FAT1: variants seen among roughly 807,000 people sequenced by gnomAD.
FAT1 encodes protocadherin Fat 1.
FAT1 carries 171 observed loss-of-function variants against 329.8 expected under a neutral mutation model. The observed-to-expected ratio is 0.52, with a 90% CI of 0.46 to 0.59. The LOEUF (loss-of-function observed/expected upper bound fraction) is 0.59. Among genes scored for constraint, FAT1 ranks in the 20% least tolerant of loss-of-function variants. The pLI, the probability that FAT1 is intolerant of heterozygous loss-of-function variation, is 0.00. For synonymous variants in FAT1, 2,233 were observed against 2,228.6 expected (o/e 1.00, Z -0.06); for missense variants, 5,672 against 5,774.4 (o/e 0.98, Z 0.57).
intron 3 of FAT1, among the ~76,000 whole-genome samples, chr4:186,651,093 C>T (rs1055625637): frequency 2.8e-5 from 3 of 108,184 alleles, no homozygotes; most frequent in Non-Finnish European, 3.9e-5. Flanking sequence ...TTATTTGATG[C>T]TTCATTATTA....
chr4:186,592,632 C>T (rs570755505), intron 26 of FAT1: 9 of 450,586 alleles, frequency 2.0e-5, no homozygotes, highest in Admixed American at 1.2e-4. Flanking sequence ...GCAATGCGGC[C>T]GAGCTCTACG....
Position 186,708,674 on chromosome 4 carries a change from G to GGTGT in FAT1, c.1150_1153dup (p.Pro385HisfsTer20). ...AGGAATGGCCTTTACCATGACCACA[G>GGTGT]GTGTGTTGGGAGGAGCAAATTCACT... On this transcript the variant is annotated frameshift_variant, in exon 2 of 27. Coordinates refer to ENST00000441802, the MANE Select transcript of FAT1 (RefSeq NM_005245.4). LOFTEE classifies it high-confidence loss of function. 1 of 1,613,890 alleles carries GGTGT rather than the reference G, an allele frequency of 6.2e-7. No homozygotes were observed.
chr4:186,672,357 T>C (rs1293795542), intron 2 of FAT1, among the ~76,000 whole-genome samples: 1 of 152,206 alleles, frequency 6.6e-6, no homozygotes, highest in Admixed American at 6.5e-5. Context: ...TATACTAGTG[T>C]ACCGTACAGG....
intron 3 of FAT1, among the ~76,000 whole-genome samples, chr4:186,657,139 G>T (rs1375715732): frequency 6.6e-6 from 1 of 152,158 alleles, no homozygotes; most frequent in East Asian, 1.9e-4. Context: ...CCTATGTGAT[G>T]TCCAAGAGAA....
rs773226886 is a variant in FAT1, at chr4:186,636,895, C to T, written c.3662G>A (p.Gly1221Asp). Residue 1221 changes from glycine to aspartate, a missense_variant, in exon 5 of 27, where the codon GGT becomes GAT. This residue lies in a region of FAT1 where 3,966 missense variants were observed against 3,915.2 expected (regional missense o/e 1.01). Transcript: ENST00000441802. ...TGCAATGGTTGATTTGGGGGGACTA[C>T]CATTGTCTGTCACAGTAACCTGTTT... Reference protein sequence around the residue: ...HILEVTVTDNGSPPKSTIARV... With the variant: ...HILEVTVTDNDSPPKSTIARV... 6.2e-7 allele frequency: 1 copy of T among 1,609,512 alleles called. No homozygotes were observed. The highest frequency in any genetic ancestry group is 1.7e-5 in the Admixed American group (1 of 59,038).
chr4:186,620,054 C>T lies in FAT1; in HGVS notation c.6532G>A (p.Ala2178Thr), dbSNP rs1190037826. 2.5e-6 allele frequency: 4 copies of T among 1,614,024 alleles called. No homozygotes were observed. The highest frequency in any genetic ancestry group is 3.4e-6 in the Non-Finnish European group (4 of 1,179,896). The part of the protein sequence containing the change: ...VIVPITVMNK[A>T]MPVFEKPFYS... ...AAAGGTTTTTCAAACACAGGCATGG[C>T]TTTATTCATGACAGTGATCGGAACG... Residue 2178 changes from alanine to threonine, a missense_variant, in exon 10 of 27, where the codon GCC becomes ACC. Ala to Thr is a moderately conservative substitution (Grantham distance 58, BLOSUM62 0). Around this residue, in one of 2 missense-constraint regions of FAT1, gnomAD observed 3,966 missense variants for 3,915.2 expected, o/e 1.01. Transcript: ENST00000441802.
chr4:186,692,303 G>GATTA (rs2126661457), intron 2 of FAT1, among the ~76,000 whole-genome samples: 1 of 102,148 alleles, frequency 9.8e-6, no homozygotes, highest in African/African-American at 3.5e-5. Flanking sequence ...ATACATCTTA[G>GATTA]GTTATTTATT....
At position 186,587,868 on chromosome 4, in the gene FAT1, A is replaced by G. The variant is rs1738030761; in HGVS notation, c.*724T>C. ...TTTCATTAAAAACCTTTACAAGACC[A>G]TTGCATCACAAATATACAGACACTA... On this transcript the variant is annotated 3_prime_UTR_variant, in exon 27 of 27. Coordinates refer to ENST00000441802, the MANE Select transcript of FAT1 (RefSeq NM_005245.4). The G allele has an allele frequency of 2.8e-5, 6 of 213,548 alleles. No homozygotes were observed. The Admixed American group carries it at 3.5e-4, about 12-fold the overall frequency. 13.2% of individuals were successfully genotyped at this position (213,548 alleles called of 1,614,324 possible). A position where few individuals can be genotyped will look rare whatever the true frequency, so the allele number is the denominator to read the frequency against.
At position 186,597,011 on chromosome 4, in the gene FAT1, T is replaced by A. The variant is rs2126393449; in HGVS notation, c.12529A>T (p.Ile4177Phe). 1 of 1,614,008 alleles carries A rather than the reference T, an allele frequency of 6.2e-7. No individual in the cohort carries two copies. Among genetic ancestry groups the A allele is most frequent in the Non-Finnish European group, 8.5e-7 (1 of 1,179,894 alleles). Residue 4177 changes from isoleucine to phenylalanine, a missense_variant, in exon 25 of 27, where the codon ATT becomes TTT. Physicochemically the swap from Ile to Phe is conservative, Grantham distance 21 (BLOSUM62 0). Around this residue, in one of 2 missense-constraint regions of FAT1, gnomAD observed 1,706 missense variants for 1,859.1 expected, o/e 0.92. Coordinates refer to ENST00000441802, the MANE Select transcript of FAT1 (RefSeq NM_005245.4). Reference sequence around the variant, plus strand: ...ATTCCAATTCCTTCCGCCAACCCAATGTTCCACGGCGTGGACACATACTGG... The same window carrying A: ...ATTCCAATTCCTTCCGCCAACCCAAAGTTCCACGGCGTGGACACATACTGG... ...PNQYVSTPWN[I>F]GLAEGIGIVV...
chr4:186,707,100 T>C lies in FAT1; in HGVS notation c.2728A>G (p.Thr910Ala), dbSNP rs1231329230. ...QAREEPQLFS[T>A]VVVKVSLEDV... ...TCTAGTGATACTTTCACAACGACAGTGGAGAACAGCTGAGGCTCTTCTCTG... is the reference window on the plus strand; with the variant it reads ...TCTAGTGATACTTTCACAACGACAGCGGAGAACAGCTGAGGCTCTTCTCTG... The change falls in exon 2 of 27, where the codon ACT becomes GCT. Residue 910 changes from threonine (T) to alanine (A), a missense_variant. Thr to Ala is a moderately conservative substitution (Grantham distance 58, BLOSUM62 0). Transcript: ENST00000441802. The C allele has an allele frequency of 6.2e-7, 1 of 1,614,018 alleles. No individual in the cohort carries two copies. The highest frequency in any genetic ancestry group is 1.7e-5 in the Admixed American group (1 of 60,032).
intron 3 of FAT1, among the ~76,000 whole-genome samples, chr4:186,644,258 C>T (rs762128639): frequency 6.6e-6 from 1 of 152,134 alleles, no homozygotes; most frequent in Non-Finnish European, 1.5e-5. Flanking sequence ...AATGACTCAT[C>T]ATTAGTCATT....
intron 11 of FAT1, among the ~76,000 whole-genome samples, chr4:186,616,219 G>A (rs1032687132): frequency 6.6e-5 from 10 of 152,060 alleles, no homozygotes; most frequent in African/African-American, 2.2e-4. Flanking sequence ...CTACCTTACC[G>A]ATATAAAAGG....
chr4:186,683,549 G>C (rs1030236867), intron 2 of FAT1, among the ~76,000 whole-genome samples: 1 of 152,064 alleles, frequency 6.6e-6, no homozygotes, highest in East Asian at 1.9e-4. Context: ...GAAATTTTCC[G>C]AAAGTTTTGC....
rs1462810564 is a variant in FAT1, at chr4:186,636,172, T to C, written c.4036A>G (p.Ile1346Val). 1 of 1,613,976 alleles carries C rather than the reference T, an allele frequency of 6.2e-7. No individual in the cohort carries two copies. The highest frequency in any genetic ancestry group is 8.5e-7 in the Non-Finnish European group (1 of 1,179,888). ...SSTTRLHIEW[I>V]SKPKPSLEPI... Reference sequence around the variant, plus strand: ...TCCAGGGACGGTTTGGGCTTGGAGATCCATTCAATATGGAGTCTGGTGGTT... The same window carrying C: ...TCCAGGGACGGTTTGGGCTTGGAGACCCATTCAATATGGAGTCTGGTGGTT... Residue 1346 changes from isoleucine to valine, a missense_variant, in exon 6 of 27, where the codon ATC (isoleucine) becomes GTC (valine). Physicochemically the swap from Ile to Val is conservative, Grantham distance 29. This residue lies in a region of FAT1 where 3,966 missense variants were observed against 3,915.2 expected (regional missense o/e 1.01). Coordinates refer to ENST00000441802, the MANE Select transcript of FAT1 (RefSeq NM_005245.4).
rs1224740278 is a variant in FAT1 at position 186,708,449 on chromosome 4, G to T, written c.1379C>A (p.Pro460His). Residue 460 changes from proline to histidine, a missense_variant, in exon 2 of 27, where the codon CCC (proline) becomes CAC (histidine). Coordinates refer to ENST00000441802, the MANE Select transcript of FAT1 (RefSeq NM_005245.4). Reference protein sequence around the residue: ...LVKVLGANSNPPEFTQTAYKA... With the variant: ...LVKVLGANSNHPEFTQTAYKA... ...GTACGCTGTCTGGGTAAATTCAGGG[G>T]GATTGCTATTTGCACCTAAGACTTT... The T allele has an allele frequency of 2.5e-6, 4 of 1,613,764 alleles. No homozygotes were observed. The highest frequency in any genetic ancestry group is 1.3e-5 in the African/African-American group (1 of 74,892).
chr4:186,724,056 G>C (rs897189339), upstream of FAT1, among the ~76,000 whole-genome samples: 4 of 151,754 alleles, frequency 2.6e-5, no homozygotes, highest in African/African-American at 7.3e-5. This position sits in a 1 kb window ranked among gnomAD's most constrained non-coding sequence, Gnocchi z 5.3. Context: ...GGCGCCCAGC[G>C]GGGTCTAGCG....
Position 186,603,183 on chromosome 4 carries a change from G to C in FAT1, c.11343C>G (p.Leu3781=), listed in dbSNP as rs955816712. 2.1e-5 allele frequency: 34 copies of C among 1,613,606 alleles called. No homozygotes were observed. Among genetic ancestry groups the C allele is most frequent in the Non-Finnish European group, 2.8e-5 (33 of 1,179,770 alleles). The change falls in exon 19 of 27, where the codon CTC becomes CTG. Residue 3781 remains leucine (L), a synonymous_variant. Transcript: ENST00000441802. The stretch of plus-strand genomic sequence containing the variant: ...TACACTCATGTGCAGTACCTTTGCA[G>C]AGACACACCGCTGCCCTGTGGTGGC... ...TPRHHRAAVC[L]CKEGRCPPVH...
chr4:186,659,321 CTG>C (rs1467008850), intron 3 of FAT1, among the ~76,000 whole-genome samples: 1 of 152,198 alleles, frequency 6.6e-6, no homozygotes, highest in Non-Finnish European at 1.5e-5. Flanking sequence ...CCTCCCATGA[CTG>C]TACTTGATGC....
In FAT1 at chr4:186,709,677, T is replaced by C. The variant is rs990231103; in HGVS notation, c.151A>G (p.Thr51Ala). 3 of 1,613,968 alleles carry C rather than the reference T, an allele frequency of 1.9e-6. No individual in the cohort carries two copies. Among genetic ancestry groups the C allele is most frequent in the Non-Finnish European group, 2.5e-6 (3 of 1,179,882 alleles). Residue 51 changes from threonine to alanine, a missense_variant, in exon 2 of 27, where the codon ACT becomes GCT. Thr to Ala is a moderately conservative substitution (Grantham distance 58, BLOSUM62 0). This residue lies in a region of FAT1 where 3,966 missense variants were observed against 3,915.2 expected (regional missense o/e 1.01). Coordinates refer to ENST00000441802, the MANE Select transcript of FAT1 (RefSeq NM_005245.4). ...VTVQENSAAK[T>A]YVGHPVKMGV... ...ATCTTGACAGGATGCCCCACATAAG[T>C]CTTAGCTGCAGAGTTCTCCTGCACG...
Sources: gnomAD v4.1 joint callset for allele counts (sites outside exome capture counted in the v4.1 genomes callset) on GRCh38, gnomAD v4.1.1 for gene constraint, gnomAD v4.1.1 regional missense constraint, Gnocchi (gnomAD v3.1) non-coding constraint, MANE v1.5 for transcripts, NCBI Gene and HGNC (gene_info 2026-07-23, HGNC 2026-07-21) for gene names.